FLRT1: variants seen among roughly 807,000 people sequenced by gnomAD.
The protein encoded by FLRT1 is leucine-rich repeat transmembrane protein FLRT1.
A neutral mutation model predicts 30.9 loss-of-function variants in FLRT1; 14 were observed. The ratio of observed to expected loss-of-function variants is 0.45; its 90% confidence interval spans 0.30 to 0.71. FLRT1 has a LOEUF of 0.71. Ranked by LOEUF, FLRT1 falls within the 30% of genes least tolerant of loss-of-function variation. FLRT1 has a pLI of 0.08. For synonymous variants in FLRT1, 368 were observed against 430.4 expected, an observed-to-expected ratio of 0.85 and a Z score of 1.80; for missense variants, 737 against 949.2, an observed-to-expected ratio of 0.78 and a Z score of 2.94.
chr11:64,066,801 G>C (rs1033087262), intron 1 of FLRT1, among the ~76,000 whole-genome samples: 1 of 152,128 alleles, frequency 6.6e-6, no homozygotes, highest in Non-Finnish European at 1.5e-5. Flanking sequence ...ACTATCCTAC[G>C]AGAACTCCAT....
rs200728424 is a variant in FLRT1, at chr11:64,105,384, G to A, written c.-50+1203G>A. On this transcript the variant is annotated intron_variant, in intron 2 of 2. Transcript: ENST00000682287. Reference sequence around the variant, plus strand: ...GCTCAGTGGCTCTGTGCAAAGGGAGGCAAGAAACAAACGCTCTGGGCAGAC... The same window carrying A: ...GCTCAGTGGCTCTGTGCAAAGGGAGACAAGAAACAAACGCTCTGGGCAGAC... Among the ~76,000 whole-genome samples, 15 of 152,328 alleles carry A rather than the reference G, an allele frequency of 9.8e-5. No individual in the cohort carries two copies. The East Asian group carries it at 2.5e-3, about 25-fold the overall frequency.
At chr11:64,053,949 C>T (rs907352946) in intron 1 of FLRT1, among the ~76,000 whole-genome samples, 9 of 152,266 alleles carry the variant, frequency 5.9e-5, no homozygotes, top group African/African-American at 2.2e-4. Flanking sequence ...TTGCATGGCA[C>T]GGAGCTGTTC....
At chr11:64,075,148 G>T (rs374683928) in intron 1 of FLRT1, among the ~76,000 whole-genome samples, 2 of 152,208 alleles carry the variant, frequency 1.3e-5, no homozygotes, top group African/African-American at 4.8e-5. Flanking sequence ...AAAACGGTTG[G>T]TGAGGCTGAC....
intron 1 of FLRT1, among the ~76,000 whole-genome samples, chr11:64,094,970 G>T (rs893024284): frequency 3.3e-5 from 5 of 152,220 alleles, no homozygotes; most frequent in African/African-American, 1.2e-4. Context: ...GAAAGTACTA[G>T]GGGCCTCGTT....
intron 1 of FLRT1, among the ~76,000 whole-genome samples, chr11:64,101,208 G>A (rs556823108): frequency 6.6e-6 from 1 of 152,222 alleles, no homozygotes; most frequent in East Asian, 1.9e-4. Context: ...GGCCAGGCTG[G>A]AGCCAGCTCA....
At chr11:64,069,985 G>A (rs1273578779) in intron 1 of FLRT1, among the ~76,000 whole-genome samples, 6 of 152,168 alleles carry the variant, frequency 3.9e-5, no homozygotes, top group African/African-American at 1.4e-4. Flanking sequence ...GGGCAGAGCA[G>A]GGGGCCAGGA....
intron 1 of FLRT1, among the ~76,000 whole-genome samples, chr11:64,049,877 C>G (rs2134409155): frequency 6.6e-6 from 1 of 152,368 alleles, no homozygotes; most frequent in South Asian, 2.1e-4. Context: ...TCCCCCAGCT[C>G]TGTTCTAGAA....
intron 1 of FLRT1, among the ~76,000 whole-genome samples, chr11:64,089,958 GGATT>G (rs1341967425): frequency 1.3e-5 from 2 of 152,196 alleles, no homozygotes; most frequent in African/African-American, 4.8e-5. Context: ...TAAAGTGAGA[GGATT>G]GGATAAGATG....
intron 1 of FLRT1, among the ~76,000 whole-genome samples, chr11:64,099,593 C>G (rs376425575): frequency 6.7e-6 from 1 of 148,750 alleles, no homozygotes; most frequent in East Asian, 2.0e-4. Context: ...GATGGAGAGA[C>G]GGATGGAAGG....
At chr11:64,042,253 C>G (rs1329810575) in intron 1 of FLRT1, among the ~76,000 whole-genome samples, 3 of 152,198 alleles carry the variant, frequency 2.0e-5, no homozygotes, top group Non-Finnish European at 2.9e-5. Flanking sequence ...CTGAGCCAGG[C>G]TCTGAGGTGA....
chr11:64,072,423 T>A (rs940629346), intron 1 of FLRT1, among the ~76,000 whole-genome samples: 6 of 146,538 alleles, frequency 4.1e-5, no homozygotes, highest in Non-Finnish European at 9.0e-5. Context: ...CCGGCTCATT[T>A]AAAAAAAAAA....
intron 1 of FLRT1, among the ~76,000 whole-genome samples, chr11:64,095,007 T>C (rs1944552697): frequency 6.6e-6 from 1 of 152,206 alleles, no homozygotes; most frequent in Admixed American, 6.5e-5. Flanking sequence ...AGCCTCGTTA[T>C]TAACAAAAGT....
At chr11:64,059,720 A>T (rs1419252534) in intron 1 of FLRT1, among the ~76,000 whole-genome samples, 9 of 151,870 alleles carry the variant, frequency 5.9e-5, no homozygotes, top group Admixed American at 6.5e-5. Context: ...TCACTCAGCT[A>T]CTCCCAGCTG....
chr11:64,111,149 G>A (rs185296306), intron 2 of FLRT1, among the ~76,000 whole-genome samples: 43 of 152,386 alleles, frequency 2.8e-4, no homozygotes, highest in Admixed American at 7.8e-4. Context: ...CTGAGCGGGC[G>A]CTGGGAACAG....
intron 1 of FLRT1, among the ~76,000 whole-genome samples, chr11:64,055,713 GGAT>G (rs1263534525): frequency 6.6e-6 from 1 of 152,212 alleles, no homozygotes; most frequent in Non-Finnish European, 1.5e-5. Flanking sequence ...ATGGATGGAT[GGAT>G]GATGGGCCAT....
At chr11:64,101,703 C>G (rs1944674103) in intron 1 of FLRT1, among the ~76,000 whole-genome samples, 1 of 152,206 alleles carries the variant, frequency 6.6e-6, no homozygotes. Flanking sequence ...GCCCTCCCGC[C>G]GCGTGCAGGG....
Position 64,090,069 on chromosome 11 carries a change from C to T in FLRT1, c.-1037-13125C>T, listed in dbSNP as rs560453867. ...CTGTGACTGGACTCAACAGCTGTGTCATCCTGAGCCCAGAACCTTCTAGAA... is the reference window on the plus strand; with the variant it reads ...CTGTGACTGGACTCAACAGCTGTGTTATCCTGAGCCCAGAACCTTCTAGAA... On this transcript the variant is annotated intron_variant, in intron 1 of 2. Transcript: ENST00000682287. The surrounding 1 kb of genome is among the most constrained non-coding windows in gnomAD (Gnocchi z 4.7). 5.9e-5 allele frequency among the ~76,000 whole-genome samples: 9 copies of T among 152,304 alleles called. No individual in the cohort carries two copies. Among genetic ancestry groups the T allele is most frequent in the Non-Finnish European group, 1.0e-4 (7 of 68,030 alleles).
chr11:64,117,667 G>A lies in FLRT1; in HGVS notation c.1400G>A (p.Ser467Asn), dbSNP rs753142043. The A allele has an allele frequency of 6.2e-7, 1 of 1,613,724 alleles. No individual in the cohort carries two copies. Among genetic ancestry groups the A allele is most frequent in the Non-Finnish European group, 8.5e-7 (1 of 1,180,038 alleles). Residue 467 changes from serine to asparagine, a missense_variant, in exon 3 of 3, where the codon AGT becomes AAT. By Grantham distance (46) the Ser-to-Asn change is conservative. Coordinates refer to ENST00000682287, the MANE Select transcript of FLRT1 (RefSeq NM_013280.5). ...ATLPASSFRL[S>N]WLRLGHSPAV... The stretch of plus-strand genomic sequence containing the variant: ...CTCCCCGCCTCCTCTTTCCGGCTCA[G>A]TTGGCTGCGCCTGGGCCACAGCCCA...
chr11:64,069,192 G>C (rs2134456978), intron 1 of FLRT1, among the ~76,000 whole-genome samples: 1 of 152,326 alleles, frequency 6.6e-6, no homozygotes, highest in East Asian at 1.9e-4. Flanking sequence ...AGAGCAGGAG[G>C]GCCACTGCGC....
Sources: allele counts gnomAD v4.1 joint callset (sites outside exome capture counted in the v4.1 genomes callset), GRCh38; gene constraint gnomAD v4.1.1; non-coding constraint Gnocchi (gnomAD v3.1); transcripts MANE v1.5; gene names NCBI Gene and HGNC (gene_info 2026-07-23, HGNC 2026-07-21).